Variants in FER1L6 observed in about 807,000 individuals in gnomAD.
FER1L6 encodes the protein fer-1-like protein 6.
In FER1L6, 177 loss-of-function variants were observed where a neutral mutation model predicts 219.2. The observed-to-expected ratio is 0.81, with a 90% CI of 0.71 to 0.91. FER1L6 has a LOEUF of 0.91. Ranked by LOEUF, FER1L6 falls within the 40% of genes least tolerant of loss-of-function variation. The pLI is 0.00. For missense variants in FER1L6, 2,153 were observed against 2,259.9 expected (o/e 0.95, Z 0.96); for synonymous variants, 768 against 824.3 (o/e 0.93, Z 1.17).
At position 123,859,970 on chromosome 8, in the gene FER1L6, C is replaced by CTAT. The variant is rs199891284; in HGVS notation, c.-8+7799_-8+7801dup. On this transcript the variant is annotated intron_variant, in intron 1 of 40. Coordinates refer to ENST00000522917, the MANE Select transcript of FER1L6 (RefSeq NM_001039112.2). ...TTATTTATTTTTATTATTATTATTA[C>CTAT]TATTATTATTATTATTTTTTTAATT... 7.6e-5 allele frequency among the ~76,000 whole-genome samples: 9 copies of CTAT among 117,960 alleles called. 1 individual carries two copies. The highest frequency in any genetic ancestry group is 5.9e-4 in the South Asian group (2 of 3,386). The allele number at this position is 117,960 out of a possible 152,430, so 77.4% of individuals were successfully genotyped here. A position where few individuals can be genotyped will look rare whatever the true frequency, so the allele number is the denominator to read the frequency against.
chr8:123,940,374 G>A (rs536931708), intron 1 of FER1L6, among the ~76,000 whole-genome samples: 31 of 152,144 alleles, frequency 2.0e-4, no homozygotes, highest in Admixed American at 1.2e-3. Flanking sequence ...TTGAGACAGC[G>A]TCACCCAGGT....
chr8:123,856,857 C>T (rs115327987), intron 1 of FER1L6, among the ~76,000 whole-genome samples: 2 of 152,140 alleles, frequency 1.3e-5, no homozygotes, highest in African/African-American at 4.8e-5. Context: ...CCCACTATTG[C>T]GGTGTGATGC....
intron 31 of FER1L6, among the ~76,000 whole-genome samples, chr8:124,075,699 G>A (rs1192743925): frequency 1.3e-5 from 2 of 152,096 alleles, no homozygotes; most frequent in Non-Finnish European, 2.9e-5. Context: ...ACAAACATGC[G>A]AGTAATGTGT....
rs201541254 is a variant in FER1L6 at position 123,975,915 on chromosome 8, A to G, written c.701A>G (p.Asn234Ser). 139 of 1,602,916 alleles carry G rather than the reference A, an allele frequency of 8.7e-5. No individual in the cohort carries two copies. Among genetic ancestry groups the G allele is most frequent in the Non-Finnish European group, 1.1e-4 (134 of 1,174,256 alleles). Reference sequence around the variant, plus strand: ...CCTCTAAGGAACCTTTTGATCCCCAATGGGTTTCCACTGGAGAGACCGTGG... The same window carrying G: ...CCTCTAAGGAACCTTTTGATCCCCAGTGGGTTTCCACTGGAGAGACCGTGG... ...EPIEKNLLIP[N>S]GFPLERPWAR... is the part of the protein sequence containing the mutation. The change falls in exon 9 of 41, where the codon AAT becomes AGT. Residue 234 changes from asparagine (N) to serine (S), a missense_variant. Asn to Ser is a conservative substitution (Grantham distance 46, BLOSUM62 1). Transcript: ENST00000522917.
intron 1 of FER1L6, among the ~76,000 whole-genome samples, chr8:123,913,481 T>C (rs1460653715): frequency 1.3e-5 from 2 of 152,190 alleles, no homozygotes; most frequent in African/African-American, 4.8e-5. Flanking sequence ...CTTTGGGCTT[T>C]GTGGCAGAGT....
intron 15 of FER1L6, among the ~76,000 whole-genome samples, chr8:124,015,605 A>ATGTG (rs200580607): frequency 3.4e-5 from 4 of 116,654 alleles, no homozygotes; most frequent in African/African-American, 1.4e-4. Flanking sequence ...ATATATATAT[A>ATGTG]TATATATATA....
chr8:123,974,659 CAAAAAAAAA>C (rs994690186), intron 7 of FER1L6, among the ~76,000 whole-genome samples: 16 of 47,802 alleles, frequency 3.3e-4, no homozygotes, highest in African/African-American at 9.9e-4. Context: ...GACTCTGTCT[CAAAAAAAAA>C]AAAAAAAAAA....
At chr8:124,076,076 TA>T (rs1821272250) in intron 31 of FER1L6, 121 bp from the exon 32 acceptor site, 1 of 1,287,806 alleles carries the variant, frequency 7.8e-7, no homozygotes, top group Admixed American at 2.3e-5. Flanking sequence ...CCTGGCCCGT[TA>T]AATCAGACTA....
chr8:123,922,641 C>T (rs1240169739), intron 1 of FER1L6, among the ~76,000 whole-genome samples: 1 of 152,108 alleles, frequency 6.6e-6, no homozygotes, highest in Non-Finnish European at 1.5e-5. Context: ...CCGTAGGCAC[C>T]GCCAACCTGG....
intron 2 of FER1L6, among the ~76,000 whole-genome samples, chr8:123,958,826 C>G (rs1345344052): frequency 6.6e-6 from 1 of 151,592 alleles, no homozygotes; most frequent in Non-Finnish European, 1.5e-5. Flanking sequence ...AGGGAGCCCA[C>G]TGGGCGATGG....
chr8:123,950,230 C>T (rs964570273), intron 1 of FER1L6, among the ~76,000 whole-genome samples: 7 of 152,128 alleles, frequency 4.6e-5, no homozygotes, highest in African/African-American at 7.2e-5. Flanking sequence ...CTAAATAGCG[C>T]GGTCATGTGT....
chr8:124,003,231 TGAA>T lies in FER1L6; in HGVS notation c.1590_1592del (p.Glu530del), dbSNP rs773600552. On this transcript the variant is annotated inframe_deletion, in exon 13 of 41. Coordinates refer to ENST00000522917, the MANE Select transcript of FER1L6 (RefSeq NM_001039112.2). ...GGAGTAAGAAGTCAGCTGAATCAGCTGAAGAAGACCTCCTTCCACTGCTTCACG... is the reference window on the plus strand; with the variant it reads ...GGAGTAAGAAGTCAGCTGAATCAGCTGAAGACCTCCTTCCACTGCTTCACG... 1.9e-6 allele frequency: 3 copies of T among 1,614,108 alleles called. No individual in the cohort carries two copies. Among genetic ancestry groups the T allele is most frequent in the Non-Finnish European group, 2.5e-6 (3 of 1,179,998 alleles).
In FER1L6 at chr8:124,067,766, G is replaced by T; in HGVS notation, c.3679-1G>T. The T allele has an allele frequency of 6.2e-7, 1 of 1,611,472 alleles. No individual in the cohort carries two copies. Among genetic ancestry groups the T allele is most frequent in the Non-Finnish European group, 8.5e-7 (1 of 1,177,858 alleles). On this transcript the variant is annotated splice_acceptor_variant, in intron 27 of 40. Transcript: ENST00000522917. LOFTEE classifies it high-confidence loss of function. ...CAATAATATTGTCTCCTTTTTCAAAGGCAAAGGAGAGAAATCCCAAGGGAA... is the reference window on the plus strand; with the variant it reads ...CAATAATATTGTCTCCTTTTTCAAATGCAAAGGAGAGAAATCCCAAGGGAA...
At chr8:124,022,599 G>C (rs1818501258) in intron 17 of FER1L6, among the ~76,000 whole-genome samples, 1 of 152,156 alleles carries the variant, frequency 6.6e-6, no homozygotes, top group Non-Finnish European at 1.5e-5. Flanking sequence ...AAAATATCTT[G>C]CAATCATATT....
intron 39 of FER1L6, among the ~76,000 whole-genome samples, chr8:124,110,003 T>C (rs1822952377): frequency 6.6e-6 from 1 of 152,156 alleles, no homozygotes; most frequent in African/African-American, 2.4e-5. Context: ...GCTTGGGCAA[T>C]GACTGCAGGC....
intron 5 of FER1L6, among the ~76,000 whole-genome samples, chr8:123,967,108 G>T: frequency 6.6e-6 from 1 of 151,408 alleles, no homozygotes; most frequent in Admixed American, 6.6e-5. Flanking sequence ...AAAATTACTT[G>T]GTGAAAAAAT....
chr8:124,089,043 G>A (rs1237176567), intron 33 of FER1L6, among the ~76,000 whole-genome samples: 3 of 152,150 alleles, frequency 2.0e-5, no homozygotes, highest in East Asian at 1.9e-4. Flanking sequence ...CACTGGCTCC[G>A]AGCTCAGCAT....
rs144343735 is a variant in FER1L6, at chr8:124,102,748, G to A, written c.5126-398G>A. Among the ~76,000 whole-genome samples the A allele has an allele frequency of 9.2e-5, 14 of 152,324 alleles. 1 individual carries two copies. In the East Asian group the frequency reaches 2.7e-3, roughly 29 times the overall value. On this transcript the variant is annotated intron_variant, in intron 38 of 40. Coordinates refer to ENST00000522917, the MANE Select transcript of FER1L6 (RefSeq NM_001039112.2). ...TGGAGGGGTTTAGTGGACACCAAGA[G>A]AGAGGTGAAGTGGGGTGAGGAGGCT... is the stretch of plus-strand genomic sequence containing the variant.
chr8:123,884,897 C>G (rs991551832), intron 1 of FER1L6, among the ~76,000 whole-genome samples: 1 of 152,190 alleles, frequency 6.6e-6, no homozygotes, highest in Non-Finnish European at 1.5e-5. Context: ...CAGAATGGAA[C>G]TCTATTTGAA....
Sources: allele counts gnomAD v4.1 joint callset (sites outside exome capture counted in the v4.1 genomes callset), GRCh38; gene constraint gnomAD v4.1.1; transcripts MANE v1.5; gene names NCBI Gene and HGNC (gene_info 2026-07-23, HGNC 2026-07-21).